SIPA1L1: variants seen among roughly 807,000 people sequenced by gnomAD.
SIPA1L1 encodes signal induced proliferation associated 1 like 1.
A neutral mutation model predicts 162.7 loss-of-function variants in SIPA1L1; 26 were observed. That is an observed-to-expected ratio of 0.16 (90% CI 0.12 to 0.22). SIPA1L1 has a LOEUF of 0.22. Ranked by LOEUF, SIPA1L1 falls within the 10% of genes least tolerant of loss-of-function variation. SIPA1L1 has a pLI of 1.00. For synonymous variants in SIPA1L1, 829 were observed against 837.4 expected, an observed-to-expected ratio of 0.99 and a Z score of 0.17; for missense variants, 1,874 against 2,241.0, an observed-to-expected ratio of 0.84 and a Z score of 3.31.
chr14:71,567,682 T>C (rs542299050), intron 4 of SIPA1L1, among the ~76,000 whole-genome samples: 8 of 149,832 alleles, frequency 5.3e-5, no homozygotes, highest in Admixed American at 2.0e-4. Flanking sequence ...ATAGGGCAAC[T>C]TCCAGATGTT....
chr14:71,684,078 G>A (rs563536400), intron 12 of SIPA1L1, among the ~76,000 whole-genome samples: 5 of 152,266 alleles, frequency 3.3e-5, no homozygotes, highest in African/African-American at 1.2e-4. Flanking sequence ...CTTGGCTTTT[G>A]GGACATTTGG....
In SIPA1L1 at chr14:71,699,004, A is replaced by C. The variant is rs751609809; in HGVS notation, c.3398A>C (p.Tyr1133Ser). The C allele has an allele frequency of 1.2e-6, 2 of 1,614,164 alleles. No individual in the cohort carries two copies. The highest frequency in any genetic ancestry group is 2.2e-5 in the South Asian group (2 of 91,086). The change falls in exon 14 of 24, where the codon TAT (tyrosine) becomes TCT (serine). Residue 1133 changes from tyrosine to serine, a missense_variant. This residue lies in a region of SIPA1L1 where 936 missense variants were observed against 1,051.9 expected (regional missense o/e 0.89). Coordinates refer to ENST00000381232, the MANE Select transcript of SIPA1L1 (RefSeq NM_001386936.1). The part of the protein sequence containing the change: ...ERRLSPGSDI[Y>S]VTVSSMALAR... Reference sequence around the variant, plus strand: ...AGGCTGTCTCCTGGTTCGGACATCTATGTGACGGTCTCATCCATGGCTTTA... The same window carrying C: ...AGGCTGTCTCCTGGTTCGGACATCTCTGTGACGGTCTCATCCATGGCTTTA...
At chr14:71,724,436 C>G (rs967290945) in intron 18 of SIPA1L1, among the ~76,000 whole-genome samples, 2 of 152,148 alleles carry the variant, frequency 1.3e-5, no homozygotes, top group Non-Finnish European at 2.9e-5. Flanking sequence ...AAACTAATAG[C>G]TTTATTTAAA....
At chr14:71,478,039 A>G (rs556625458) in intron 2 of SIPA1L1, among the ~76,000 whole-genome samples, 4 of 152,300 alleles carry the variant, frequency 2.6e-5, no homozygotes, top group Non-Finnish European at 2.9e-5. Flanking sequence ...AGGTATTATC[A>G]GTATTTTTTA....
chr14:71,642,196 G>A (rs955589642), intron 7 of SIPA1L1, among the ~76,000 whole-genome samples: 4 of 152,158 alleles, frequency 2.6e-5, no homozygotes, highest in African/African-American at 9.7e-5. Flanking sequence ...CTTGGGAGAT[G>A]GGAAACAAAT....
chr14:71,731,526 T>C (rs543088785), intron 20 of SIPA1L1, among the ~76,000 whole-genome samples: 3 of 152,300 alleles, frequency 2.0e-5, no homozygotes, highest in South Asian at 2.1e-4. Flanking sequence ...TACATCGGGG[T>C]CAGTCTTCCG....
At chr14:71,565,307 T>G (rs1472714162) in intron 4 of SIPA1L1, among the ~76,000 whole-genome samples, 1 of 152,214 alleles carries the variant, frequency 6.6e-6, no homozygotes, top group Non-Finnish European at 1.5e-5. Context: ...AGTAATTTGC[T>G]AGGCTCTGGA....
In SIPA1L1 at chr14:71,437,787, A is replaced by G. The variant is rs533829919; in HGVS notation, c.-464-74956A>G. On this transcript the variant is annotated intron_variant, in intron 2 of 23. Coordinates refer to ENST00000381232, the MANE Select transcript of SIPA1L1 (RefSeq NM_001386936.1). The stretch of plus-strand genomic sequence containing the variant: ...TGCTGAATCATATTTTAGGGCCTTT[A>G]TTATTATATATTCTGTAATTAGCAA... 2.2e-4 allele frequency among the ~76,000 whole-genome samples: 33 copies of G among 152,212 alleles called. No homozygotes were observed. In the South Asian group the frequency reaches 6.8e-3, roughly 32 times the overall value.
At chr14:71,526,792 A>G (rs1196848595) in intron 3 of SIPA1L1, among the ~76,000 whole-genome samples, 1 of 152,166 alleles carries the variant, frequency 6.6e-6, no homozygotes, top group Non-Finnish European at 1.5e-5. Flanking sequence ...ACAATTTGTT[A>G]CTGGGTTTCG....
intron 7 of SIPA1L1, among the ~76,000 whole-genome samples, chr14:71,625,676 A>T (rs969799835): frequency 1.9e-4 from 29 of 152,348 alleles, no homozygotes; most frequent in African/African-American, 7.0e-4. Flanking sequence ...CTGAACATTT[A>T]TTCTAACAAA....
At chr14:71,432,302 G>A (rs949981831) in intron 2 of SIPA1L1, among the ~76,000 whole-genome samples, 1 of 151,914 alleles carries the variant, frequency 6.6e-6, no homozygotes, top group Non-Finnish European at 1.5e-5. Context: ...TGAACTCCTG[G>A]GCTCAAGCAA....
chr14:71,686,246 G>C (rs1264581380), intron 13 of SIPA1L1, among the ~76,000 whole-genome samples: 3 of 152,124 alleles, frequency 2.0e-5, no homozygotes, highest in Admixed American at 1.3e-4. Context: ...ACCAAAGGTT[G>C]TTGTTAAATT....
chr14:71,328,969 T>A (rs1227335363), intron 2 of SIPA1L1, among the ~76,000 whole-genome samples: 1 of 152,214 alleles, frequency 6.6e-6, no homozygotes, highest in East Asian at 1.9e-4. Context: ...ACCATCATTC[T>A]TTCTGTTTCT....
chr14:71,649,446 C>T (rs1473690685), intron 7 of SIPA1L1, among the ~76,000 whole-genome samples: 1 of 152,150 alleles, frequency 6.6e-6, no homozygotes, highest in Non-Finnish European at 1.5e-5. Context: ...CCCCCCTCAG[C>T]CTCCCAAAGT....
At chr14:71,321,068 G>T (rs982416542) in intron 1 of SIPA1L1, 54 bp from the exon 2 acceptor site, 1 of 151,986 alleles carries the variant, frequency 6.6e-6, no homozygotes, top group Non-Finnish European at 1.5e-5. Flanking sequence ...CTCCGCAGAG[G>T]AGGCGGCGAG....
At chr14:71,619,839 ATATAGGACTTT>A (rs2039234401) in intron 6 of SIPA1L1, among the ~76,000 whole-genome samples, 1 of 152,182 alleles carries the variant, frequency 6.6e-6, no homozygotes, top group Non-Finnish European at 1.5e-5. Context: ...GGGAAATTAA[ATATAGGACTTT>A]TAAAGACAAG....
chr14:71,582,850 T>G (rs1236003880), intron 4 of SIPA1L1, among the ~76,000 whole-genome samples: 1 of 152,186 alleles, frequency 6.6e-6, no homozygotes, highest in Non-Finnish European at 1.5e-5. Flanking sequence ...CTAAAAAGTT[T>G]TACGCTGATT....
chr14:71,322,139 A>G (rs2033109859), intron 2 of SIPA1L1, among the ~76,000 whole-genome samples: 1 of 152,344 alleles, frequency 6.6e-6, no homozygotes, highest in South Asian at 2.1e-4. Flanking sequence ...ATCAGGTTCC[A>G]GGTCTATCTG....
chr14:71,345,769 C>A (rs552300052), intron 2 of SIPA1L1, among the ~76,000 whole-genome samples: 2 of 151,744 alleles, frequency 1.3e-5, no homozygotes, highest in African/African-American at 2.4e-5. Context: ...GGGGTTTCAC[C>A]GTGTTAGCCA....
Sources: gnomAD v4.1 joint callset for allele counts (sites outside exome capture counted in the v4.1 genomes callset) on GRCh38, gnomAD v4.1.1 for gene constraint, gnomAD v4.1.1 regional missense constraint, MANE v1.5 for transcripts, NCBI Gene and HGNC (gene_info 2026-07-23, HGNC 2026-07-21) for gene names.